MYRFL: variants seen among roughly 807,000 people sequenced by gnomAD.
The protein encoded by MYRFL is myelin regulatory factor like.
MYRFL carries 88 observed loss-of-function variants against 109.4 expected under a neutral mutation model. The ratio of observed to expected loss-of-function variants is 0.80; its 90% CI spans 0.68 to 0.96. The LOEUF is 0.96. MYRFL is among the 40% of genes least tolerant of loss of function. The probability of loss-of-function intolerance (pLI) is 0.00; values close to 1 mark genes in which losing one functional copy is unlikely to be tolerated. For synonymous variants in MYRFL, 324 were observed against 320.9 expected (o/e 1.01, Z -0.10); for missense variants, 957 against 954.9 (o/e 1.00, Z -0.03).
At chr12:69,898,825 G>A (rs554585758) in intron 10 of MYRFL, among the ~76,000 whole-genome samples, 1 of 152,286 alleles carries the variant, frequency 6.6e-6, no homozygotes, top group African/African-American at 2.4e-5. Context: ...AAAGCTATAC[G>A]CAGCTGCTGT....
rs758039171 is a variant in MYRFL, at chr12:69,879,101, T to C, written c.205+6T>C. On this transcript the variant is annotated splice_donor_region_variant and intron_variant, in intron 3 of 24. Coordinates refer to ENST00000552032, the MANE Select transcript of MYRFL (RefSeq NM_182530.3). Reference sequence around the variant, plus strand: ...CTCTCCTCCGCAGGTCAAAGGTGAGTGCGATCCACCTTCAGCACATCTGGC... The same window carrying C: ...CTCTCCTCCGCAGGTCAAAGGTGAGCGCGATCCACCTTCAGCACATCTGGC... 1 of 702,936 alleles carries C rather than the reference T, an allele frequency of 1.4e-6. No individual in the cohort carries two copies. The highest frequency in any genetic ancestry group is 1.5e-5 in the South Asian group (1 of 67,592). The allele number at this position is 702,936 out of a possible 1,614,324, so 43.5% of individuals were successfully genotyped here.
chr12:69,857,393 A>G (rs1385795886), intron 2 of MYRFL, among the ~76,000 whole-genome samples: 7 of 151,864 alleles, frequency 4.6e-5, no homozygotes, highest in Admixed American at 2.0e-4. Context: ...GACTTCCCAC[A>G]TAAACACTAG....
intron 11 of MYRFL, among the ~76,000 whole-genome samples, chr12:69,909,270 G>A (rs1221876015): frequency 6.6e-6 from 1 of 152,208 alleles, no homozygotes; most frequent in Non-Finnish European, 1.5e-5. Flanking sequence ...AACTAGTGAA[G>A]GGCTGAGAAT....
chr12:69,903,537 A>C, intron 10 of MYRFL, 107 bp from the exon 11 acceptor site: 1 of 1,194,582 alleles, frequency 8.4e-7, no homozygotes, highest in East Asian at 2.6e-5. Context: ...GGATTCTCTT[A>C]TGAAAGACTT....
chr12:69,836,451 G>T (rs1882948346), intron 1 of MYRFL, among the ~76,000 whole-genome samples: 1 of 152,160 alleles, frequency 6.6e-6, no homozygotes, highest in East Asian at 1.9e-4. Context: ...AGTCCTATGT[G>T]CAGGAAGAGG....
chr12:69,826,651 T>C (rs189351636), intron 1 of MYRFL, among the ~76,000 whole-genome samples: 249 of 152,254 alleles, frequency 1.6e-3, no homozygotes, highest in African/African-American at 5.8e-3. Context: ...ATATAGTTTC[T>C]ACAAGTCCCC....
chr12:69,892,227 CAG>C (rs1458399884), intron 7 of MYRFL, among the ~76,000 whole-genome samples: 1 of 152,098 alleles, frequency 6.6e-6, no homozygotes, highest in East Asian at 1.9e-4. Flanking sequence ...TACAGTTTAA[CAG>C]AGGGGAGACT....
intron 2 of MYRFL, among the ~76,000 whole-genome samples, chr12:69,875,235 A>G (rs1011396576): frequency 1.3e-5 from 2 of 150,606 alleles, no homozygotes; most frequent in Admixed American, 6.6e-5. Flanking sequence ...GATGATGTCT[A>G]TTGATGTATC....
At chr12:69,952,333 A>G (rs1955998818) in intron 20 of MYRFL, 158 bp downstream of exon 20, 1 of 653,082 alleles carries the variant, frequency 1.5e-6, no homozygotes, top group East Asian at 2.7e-5. Flanking sequence ...ATGCCACCCT[A>G]ACCACTAATG....
intron 16 of MYRFL, among the ~76,000 whole-genome samples, chr12:69,933,908 A>C (rs1394262912): frequency 6.6e-6 from 1 of 152,146 alleles, no homozygotes; most frequent in African/African-American, 2.4e-5. Context: ...TTTACCACTA[A>C]GACTGTAGAT....
chr12:69,893,117 G>T (rs1037214510), intron 7 of MYRFL, among the ~76,000 whole-genome samples: 2 of 152,158 alleles, frequency 1.3e-5, no homozygotes, highest in African/African-American at 4.8e-5. Context: ...ACACATGAAA[G>T]ATACATATTA....
rs1487563701 is a variant in MYRFL, at chr12:69,877,019, CTTTCTTTTT to C, written c.138-2005_138-1997del. Among the ~76,000 whole-genome samples, 18 of 37,366 alleles carry C rather than the reference CTTTCTTTTT, an allele frequency of 4.8e-4. No homozygotes were observed. In the East Asian group the frequency reaches 6.9e-3, roughly 14 times the overall value. The allele number at this position is 37,366 out of a possible 152,430, so 24.5% of individuals were successfully genotyped here. Reference sequence around the variant, plus strand: ...GGTCCAGGTCTTTCTTTCTTTCTTTCTTTCTTTTTTTTTTTTTTTTTTGAGACGGAGTCT... The same window carrying C: ...GGTCCAGGTCTTTCTTTCTTTCTTTCTTTTTTTTTTTTTGAGACGGAGTCT... On this transcript the variant is annotated intron_variant, in intron 2 of 24. Transcript: ENST00000552032.
chr12:69,940,208 A>G (rs1955600693), intron 19 of MYRFL, among the ~76,000 whole-genome samples: 1 of 152,030 alleles, frequency 6.6e-6, no homozygotes, highest in African/African-American at 2.4e-5. Flanking sequence ...AGAACACCAC[A>G]AAGATACTCC....
Position 69,910,044 on chromosome 12 carries a change from T to A in MYRFL, c.1459T>A (p.Ser487Thr). 1 of 1,534,592 alleles carries A rather than the reference T, an allele frequency of 6.5e-7. No homozygotes were observed. ...VEYDYKPEFASAMGINTAHQT... is the reference protein window; with the variant it reads ...VEYDYKPEFATAMGINTAHQT... ...ATATGACTACAAACCTGAATTTGCA[T>A]CTGCAATGGGAATAAACACTGCCCA... is the stretch of plus-strand genomic sequence containing the variant. The change falls in exon 12 of 25, where the codon TCT becomes ACT. Residue 487 changes from serine to threonine, a missense_variant. Ser to Thr is a moderately conservative substitution (Grantham distance 58). Coordinates refer to ENST00000552032, the MANE Select transcript of MYRFL (RefSeq NM_182530.3).
At chr12:69,835,598 A>G (rs971495205) in intron 1 of MYRFL, among the ~76,000 whole-genome samples, 1 of 152,204 alleles carries the variant, frequency 6.6e-6, no homozygotes, top group Non-Finnish European at 1.5e-5. Flanking sequence ...CTGTATATGT[A>G]GTGGATTCCG....
At chr12:69,888,784 G>T (rs1316744924) in intron 6 of MYRFL, among the ~76,000 whole-genome samples, 3 of 152,196 alleles carry the variant, frequency 2.0e-5, no homozygotes, top group African/African-American at 7.2e-5. Flanking sequence ...ATTACCCTCT[G>T]TAGTAAAATC....
At chr12:69,957,990 G>C (rs898479919) in intron 23 of MYRFL, 48 bp downstream of exon 23, 25 of 1,503,686 alleles carry the variant, frequency 1.7e-5, no homozygotes, top group Admixed American at 4.1e-5. Flanking sequence ...GGGATACATT[G>C]AGCAAATTGC....
chr12:69,923,521 A>G (rs1252979787), intron 13 of MYRFL, among the ~76,000 whole-genome samples: 1 of 152,102 alleles, frequency 6.6e-6, no homozygotes, highest in African/African-American at 2.4e-5. Flanking sequence ...TTTTATGTTT[A>G]TATCTCTTTT....
rs991199062 is a variant in MYRFL at position 69,942,646 on chromosome 12, C to T, written c.2224+6014C>T. Among the ~76,000 whole-genome samples the T allele has an allele frequency of 2.7e-3, 408 of 151,430 alleles. 1 individual carries two copies. Among genetic ancestry groups the T allele is most frequent in the South Asian group, 3.4e-3 (16 of 4,742 alleles). On this transcript the variant is annotated intron_variant, in intron 19 of 24. Coordinates refer to ENST00000552032, the MANE Select transcript of MYRFL (RefSeq NM_182530.3). ...GGCACAAGACAGGGATGCCCTCTCT[C>T]ACCAGTCCTATTCAACATAGTGTTG...
Sources: gnomAD v4.1 joint callset for allele counts (sites outside exome capture counted in the v4.1 genomes callset) on GRCh38, gnomAD v4.1.1 for gene constraint, MANE v1.5 for transcripts, NCBI Gene and HGNC (gene_info 2026-07-23, HGNC 2026-07-21) for gene names.